Variants in WDHD1 observed in about 807,000 individuals in gnomAD.
WDHD1 encodes WD repeat and HMG-box DNA binding protein 1, also known as WD repeat and HMG-box DNA-binding protein 1.
A neutral mutation model predicts 135.4 loss-of-function variants in WDHD1; 111 were observed. That is an observed-to-expected ratio of 0.82 (90% CI 0.70 to 0.96). The LOEUF (loss-of-function observed/expected upper bound fraction) is 0.96. Among genes scored for constraint, WDHD1 ranks in the 40% least tolerant of loss-of-function variants. The pLI is 0.00. For missense variants in WDHD1, 1,351 were observed against 1,336.3 expected (o/e 1.01, Z -0.17); for synonymous variants, 434 against 439.0 (o/e 0.99, Z 0.14).
At chr14:54,983,480 C>T (rs1394114732) in intron 15 of WDHD1, among the ~76,000 whole-genome samples, 1 of 152,052 alleles carries the variant, frequency 6.6e-6, no homozygotes, top group East Asian at 1.9e-4. Context: ...CAAGACCAGC[C>T]TGGCCAGCAT....
At chr14:54,990,897 T>C (rs1048805283) in intron 12 of WDHD1, among the ~76,000 whole-genome samples, 1 of 152,166 alleles carries the variant, frequency 6.6e-6, no homozygotes, top group African/African-American at 2.4e-5. Flanking sequence ...TAATCTTCTA[T>C]GTAACAATGA....
intron 25 of WDHD1, 81 bp downstream of exon 25, chr14:54,944,251 C>G (rs1008902546): frequency 5.1e-6 from 8 of 1,570,924 alleles, no homozygotes; most frequent in African/African-American, 2.7e-5. Context: ...AGACACCATA[C>G]CCAGCCAAAA....
At chr14:55,026,871 AAG>A (rs1421634222) in intron 1 of WDHD1, 68 bp from the exon 2 acceptor site, 2 of 1,514,090 alleles carry the variant, frequency 1.3e-6, no homozygotes, top group East Asian at 2.3e-5. Flanking sequence ...TAGGGATAGG[AAG>A]AGAGCTTAGT....
intron 11 of WDHD1, among the ~76,000 whole-genome samples, chr14:54,993,374 C>A (rs931481467): frequency 2.0e-5 from 3 of 152,108 alleles, no homozygotes; most frequent in African/African-American, 7.2e-5. Context: ...CCTGCCTGGG[C>A]CTCCCAAAGT....
chr14:54,983,636 G>A (rs376521617), intron 15 of WDHD1, among the ~76,000 whole-genome samples: 1 of 151,830 alleles, frequency 6.6e-6, no homozygotes, highest in Non-Finnish European at 1.5e-5. Flanking sequence ...TCGCATCATT[G>A]CACTCCAGCC....
intron 25 of WDHD1, among the ~76,000 whole-genome samples, chr14:54,942,011 G>A (rs567895499): frequency 4.5e-4 from 68 of 152,206 alleles, no homozygotes; most frequent in Middle Eastern, 6.8e-3. Context: ...AGCACTTTGG[G>A]AGGCCGAGGT....
At chr14:55,002,250 G>A in intron 7 of WDHD1, 65 bp from the exon 8 acceptor site, 3 of 1,130,658 alleles carry the variant, frequency 2.7e-6, no homozygotes, top group Non-Finnish European at 3.9e-6. Flanking sequence ...GAAGGAAAAA[G>A]GCACAAAATT....
At chr14:54,944,566 T>C (rs1381107193) in intron 24 of WDHD1, 96 bp from the exon 25 acceptor site, 3 of 1,179,112 alleles carry the variant, frequency 2.5e-6, no homozygotes, top group Non-Finnish European at 3.5e-6. Flanking sequence ...GTCTCTGACA[T>C]CTATTATATA....
intron 16 of WDHD1, among the ~76,000 whole-genome samples, chr14:54,979,940 A>G (rs2041589845): frequency 6.6e-6 from 1 of 152,220 alleles, no homozygotes; most frequent in African/African-American, 2.4e-5. Flanking sequence ...ATATCATTAT[A>G]TAGTGTCCTC....
Position 54,988,843 on chromosome 14 carries a change from T to A in WDHD1, c.1526+185A>T, listed in dbSNP as rs1444823637. Among the ~76,000 whole-genome samples, 5 of 152,070 alleles carry A rather than the reference T, an allele frequency of 3.3e-5. No individual in the cohort carries two copies. The South Asian group carries it at 1.0e-3, about 31-fold the overall frequency. On this transcript the variant is annotated intron_variant, in intron 13 of 25. Coordinates refer to ENST00000360586, the MANE Select transcript of WDHD1 (RefSeq NM_007086.4). ...GTAGTTAGAGCATGTAATGAGGGAA[T>A]CATTATGGCAAAAACAGACATATGT... is the stretch of plus-strand genomic sequence containing the variant.
chr14:54,965,836 G>A (rs1382807037), intron 18 of WDHD1, among the ~76,000 whole-genome samples: 3 of 151,700 alleles, frequency 2.0e-5, no homozygotes, highest in Non-Finnish European at 4.4e-5. Context: ...CACGCCTGTA[G>A]TCCCAGCTAC....
At chr14:55,022,130 C>T (rs573833067) in intron 2 of WDHD1, among the ~76,000 whole-genome samples, 2 of 152,228 alleles carry the variant, frequency 1.3e-5, no homozygotes, top group East Asian at 1.9e-4. Context: ...AGGGGCATTG[C>T]CCAACATTAA....
At chr14:55,016,162 T>A (rs1464652811) in intron 2 of WDHD1, among the ~76,000 whole-genome samples, 5 of 152,148 alleles carry the variant, frequency 3.3e-5, no homozygotes, top group Non-Finnish European at 7.4e-5. Context: ...GCTTTTAGAG[T>A]AGTCTGAATG....
At chr14:55,003,422 G>A (rs1037890493) in intron 7 of WDHD1, among the ~76,000 whole-genome samples, 1 of 151,938 alleles carries the variant, frequency 6.6e-6, no homozygotes, top group Admixed American at 6.6e-5. Context: ...GGCTGAGGTG[G>A]GAGGATGAAC....
intron 2 of WDHD1, among the ~76,000 whole-genome samples, chr14:55,016,399 T>A (rs1368967513): frequency 6.6e-6 from 1 of 152,210 alleles, no homozygotes; most frequent in East Asian, 1.9e-4. Flanking sequence ...AATAAAATGT[T>A]TGTTGACATT....
intron 4 of WDHD1, among the ~76,000 whole-genome samples, chr14:55,009,963 G>A (rs1009713011): frequency 6.6e-6 from 1 of 150,932 alleles, no homozygotes; most frequent in African/African-American, 2.4e-5. Context: ...TGGGATTACA[G>A]GCACCCGCCA....
At chr14:55,004,541 C>T (rs1468813086) in intron 7 of WDHD1, among the ~76,000 whole-genome samples, 2 of 152,164 alleles carry the variant, frequency 1.3e-5, no homozygotes, top group East Asian at 3.9e-4. Context: ...CAACCTCCGC[C>T]TCCTGGGTTC....
At chr14:54,972,605 A>C (rs2041459159) in intron 16 of WDHD1, among the ~76,000 whole-genome samples, 1 of 137,814 alleles carries the variant, frequency 7.3e-6, no homozygotes, top group African/African-American at 2.7e-5. Context: ...AATGAGGCAT[A>C]TTCACTTTCA....
At chr14:54,959,822 T>A (rs1172246896) in intron 21 of WDHD1, among the ~76,000 whole-genome samples, 1 of 152,010 alleles carries the variant, frequency 6.6e-6, no homozygotes, top group Non-Finnish European at 1.5e-5. Context: ...CAAAAAAACC[T>A]TTCCATCTAG....
Sources: allele counts gnomAD v4.1 joint callset (sites outside exome capture counted in the v4.1 genomes callset), GRCh38; gene constraint gnomAD v4.1.1; transcripts MANE v1.5; gene names NCBI Gene and HGNC (gene_info 2026-07-23, HGNC 2026-07-21).